Variants in CRTC1 observed in about 807,000 individuals in gnomAD.
CRTC1 encodes CREB-regulated transcription coactivator 1.
A neutral mutation model predicts 66.1 loss-of-function variants in CRTC1; 18 were observed. That is an observed-to-expected ratio of 0.27 (90% CI 0.19 to 0.40). The LOEUF (loss-of-function observed/expected upper bound fraction) is 0.40, where lower values mean the gene tolerates loss of function less well. Among genes scored for constraint, CRTC1 ranks in the 10% least tolerant of loss-of-function variants. The pLI is 1.00. For missense variants in CRTC1, 669 were observed against 887.9 expected, an observed-to-expected ratio of 0.75 and a Z score of 3.13; for synonymous variants, 416 against 398.8, an observed-to-expected ratio of 1.04 and a Z score of -0.51.
intron 6 of CRTC1, 122 bp from the exon 7 acceptor site, chr19:18,759,429 G>A: frequency 2.9e-6 from 3 of 1,044,790 alleles, no homozygotes; most frequent in Non-Finnish European, 4.2e-6. Flanking sequence ...AGCAAGCTTG[G>A]TTCTCATGAT....
intron 5 of CRTC1, among the ~76,000 whole-genome samples, chr19:18,752,345 G>T (rs1300759387): frequency 1.3e-5 from 2 of 151,994 alleles, no homozygotes; most frequent in African/African-American, 4.8e-5. Context: ...TAGAGACAGG[G>T]TCTTGCTCTG....
At chr19:18,731,591 C>T (rs554449779) in intron 1 of CRTC1, among the ~76,000 whole-genome samples, 2 of 152,336 alleles carry the variant, frequency 1.3e-5, no homozygotes, top group South Asian at 4.1e-4. Context: ...GTCCATCTAA[C>T]ACAGGACCCG....
rs978450009 is a variant in CRTC1 at position 18,780,232 on chromosome 19, G to C, written c.*2850G>C. 7 of 231,348 alleles carry C rather than the reference G, an allele frequency of 3.0e-5. No homozygotes were observed. Among genetic ancestry groups the C allele is most frequent in the Non-Finnish European group, 6.0e-5 (7 of 116,858 alleles). 14.3% of individuals were successfully genotyped at this position (231,348 alleles called of 1,614,324 possible). On this transcript the variant is annotated 3_prime_UTR_variant, in exon 14 of 14. Transcript: ENST00000321949. ...CTGGGTTAGAGGCTGCTCTCCCCAC[G>C]CACCCATGTGCTCATGGCTTCTGCA...
intron 11 of CRTC1, among the ~76,000 whole-genome samples, chr19:18,772,639 A>C (rs983262023): frequency 2.6e-5 from 4 of 152,110 alleles, no homozygotes; most frequent in African/African-American, 9.7e-5. Context: ...CTCTGCCCCC[A>C]TCTCCAGCTC....
chr19:18,714,051 G>A (rs2053450558), intron 1 of CRTC1, among the ~76,000 whole-genome samples: 1 of 152,170 alleles, frequency 6.6e-6, no homozygotes, highest in African/African-American at 2.4e-5. Context: ...CAGCAGGGTG[G>A]GAGGGCACAC....
intron 1 of CRTC1, among the ~76,000 whole-genome samples, chr19:18,684,834 GGGCTGGT>G (rs2052649942): frequency 6.6e-6 from 1 of 152,076 alleles, no homozygotes; most frequent in Admixed American, 6.6e-5. Flanking sequence ...CAGGGGCTTG[GGGCTGGT>G]GTCTGAGCAC....
intron 6 of CRTC1, among the ~76,000 whole-genome samples, chr19:18,756,097 G>C (rs1331529578): frequency 6.6e-6 from 1 of 152,022 alleles, no homozygotes; most frequent in Admixed American, 6.6e-5. Flanking sequence ...ACTTTGGGAG[G>C]CCGAGGCTGG....
At chr19:18,734,026 C>G (rs371711652) in intron 1 of CRTC1, among the ~76,000 whole-genome samples, 1 of 152,012 alleles carries the variant, frequency 6.6e-6, no homozygotes, top group Non-Finnish European at 1.5e-5. Flanking sequence ...CACTTGACCC[C>G]GGCAGGTGGA....
intron 1 of CRTC1, among the ~76,000 whole-genome samples, chr19:18,705,238 A>T (rs1328501550): frequency 6.6e-6 from 1 of 152,126 alleles, no homozygotes; most frequent in African/African-American, 2.4e-5. Flanking sequence ...TGCTGTGAAC[A>T]TTGGTGTACA....
intron 1 of CRTC1, among the ~76,000 whole-genome samples, chr19:18,696,211 C>T (rs771605467): frequency 1.4e-4 from 21 of 152,118 alleles, no homozygotes; most frequent in Non-Finnish European, 2.8e-4. Context: ...GTGTTTTTGC[C>T]GTGTCACGGA....
At chr19:18,699,160 G>A (rs576385423) in intron 1 of CRTC1, among the ~76,000 whole-genome samples, 24 of 152,276 alleles carry the variant, frequency 1.6e-4, no homozygotes, top group African/African-American at 5.5e-4. Context: ...CCTGTCTCCA[G>A]TTCATTCTGG....
rs2055030091 is a variant in CRTC1, at chr19:18,777,890, CCCAGGGAGGA to C, written c.*509_*518del. ...AGGTAGAGAGTGAGCCCCACGCCGC[CCCAGGGAGGA>C]GGCGCCAGAGCGCGGGGCAGACGCA... On this transcript the variant is annotated 3_prime_UTR_variant, in exon 14 of 14. Coordinates refer to ENST00000321949, the MANE Select transcript of CRTC1 (RefSeq NM_015321.3). This position sits in a 1 kb window ranked among gnomAD's most constrained non-coding sequence, Gnocchi z 5.5. 1 of 262,794 alleles carries C rather than the reference CCCAGGGAGGA, an allele frequency of 3.8e-6. No homozygotes were observed. The highest frequency in any genetic ancestry group is 7.2e-6 in the Non-Finnish European group (1 of 138,880). 16.3% of individuals were successfully genotyped at this position (262,794 alleles called of 1,614,324 possible).
At position 18,771,474 on chromosome 19, in the gene CRTC1, C is replaced by T. The variant is rs45596337; in HGVS notation, c.1353C>T (p.Ala451=). The change falls in exon 11 of 14, where the codon GCC becomes GCT. Residue 451 remains alanine, a synonymous_variant. Transcript: ENST00000321949. This position sits in a 1 kb window ranked among gnomAD's most constrained non-coding sequence, Gnocchi z 4.6. ...APALQQYRTS[A]GSPANQSPTS... is the part of the protein sequence containing the mutation. ...CTCTGCAGCAGTACCGCACTAGCGCCGGCTCCCCGGCCAACCAGTCTCCCA... is the reference window on the plus strand; with the variant it reads ...CTCTGCAGCAGTACCGCACTAGCGCTGGCTCCCCGGCCAACCAGTCTCCCA... The T allele has an allele frequency of 8.6e-4, 1,395 of 1,613,610 alleles. No homozygotes were observed. The highest frequency in any genetic ancestry group is 1.1e-3 in the Non-Finnish European group (1,343 of 1,179,758).
chr19:18,727,072 C>G (rs1200462993), intron 1 of CRTC1, among the ~76,000 whole-genome samples: 1 of 151,804 alleles, frequency 6.6e-6, no homozygotes, highest in Non-Finnish European at 1.5e-5. Context: ...CATAGCCAGA[C>G]CCCATCTCAG....
chr19:18,705,324 T>C (rs1367593790), intron 1 of CRTC1, among the ~76,000 whole-genome samples: 1 of 148,902 alleles, frequency 6.7e-6, no homozygotes, highest in Non-Finnish European at 1.5e-5. Context: ...TGTAATTGTA[T>C]GTTTAATTTT....
chr19:18,736,492 C>A (rs1600885604), intron 1 of CRTC1, among the ~76,000 whole-genome samples: 1 of 152,140 alleles, frequency 6.6e-6, no homozygotes, highest in Non-Finnish European at 1.5e-5. Context: ...CCTCAGTTTC[C>A]CCATCTGGAC....
chr19:18,727,453 C>T (rs186289434), intron 1 of CRTC1, among the ~76,000 whole-genome samples: 123 of 150,810 alleles, frequency 8.2e-4, no homozygotes, highest in African/African-American at 2.9e-3. Context: ...TGGTGGCACG[C>T]ATCAGTAGTC....
At chr19:18,737,660 A>T (rs999256193) in intron 1 of CRTC1, among the ~76,000 whole-genome samples, 3 of 151,960 alleles carry the variant, frequency 2.0e-5, no homozygotes, top group African/African-American at 7.3e-5. Context: ...TGAGCCACGC[A>T]TGTCTACTCA....
intron 1 of CRTC1, among the ~76,000 whole-genome samples, chr19:18,707,408 C>G (rs1420840920): frequency 6.6e-6 from 1 of 152,124 alleles, no homozygotes; most frequent in Non-Finnish European, 1.5e-5. Flanking sequence ...ATCACTTGAC[C>G]ATATATGTGA....
Sources: allele counts gnomAD v4.1 joint callset (sites outside exome capture counted in the v4.1 genomes callset), GRCh38; gene constraint gnomAD v4.1.1; non-coding constraint Gnocchi (gnomAD v3.1); transcripts MANE v1.5; gene names NCBI Gene and HGNC (gene_info 2026-07-23, HGNC 2026-07-21).